Variants in TBXAS1 observed in about 807,000 individuals in gnomAD.
TBXAS1 encodes the protein thromboxane A synthase 1.
A neutral mutation model predicts 60.7 loss-of-function variants in TBXAS1; 48 were observed. The observed-to-expected ratio is 0.79, with a 90% CI of 0.63 to 1.01. TBXAS1 has a LOEUF of 1.01. Among genes scored for constraint, TBXAS1 ranks in the 50% least tolerant of loss-of-function variants. The pLI is 0.00. For synonymous variants in TBXAS1, 287 were observed against 269.7 expected, an observed-to-expected ratio of 1.06 and a Z score of -0.63; for missense variants, 685 against 686.3, an observed-to-expected ratio of 1.00 and a Z score of 0.02.
chr7:139,779,132 C>T (rs1585481224), intron 1 of TBXAS1, among the ~76,000 whole-genome samples: 1 of 152,146 alleles, frequency 6.6e-6, no homozygotes, highest in Admixed American at 6.5e-5. Flanking sequence ...GTCTGTGAAT[C>T]GTGGGTTTAA....
At chr7:139,843,306 C>T (rs1237987232) in intron 1 of TBXAS1, among the ~76,000 whole-genome samples, 1 of 150,260 alleles carries the variant, frequency 6.7e-6, no homozygotes, top group African/African-American at 2.5e-5. Flanking sequence ...GCTATCTCGG[C>T]ACTTACTACT....
At chr7:139,882,121 G>A (rs578108532) in intron 3 of TBXAS1, among the ~76,000 whole-genome samples, 3 of 152,178 alleles carry the variant, frequency 2.0e-5, no homozygotes, top group South Asian at 2.1e-4. Flanking sequence ...TTTAGATGGG[G>A]TTGAAGAACA....
At chr7:139,790,762 G>A (rs772003590) in intron 4 of TBXAS1, among the ~76,000 whole-genome samples, 13 of 152,200 alleles carry the variant, frequency 8.5e-5, no homozygotes, top group Non-Finnish European at 1.6e-4. Flanking sequence ...AGGGGAATGT[G>A]TAATAAGTGA....
intron 3 of TBXAS1, among the ~76,000 whole-genome samples, chr7:139,902,802 A>C (rs746040027): frequency 3.9e-5 from 6 of 152,100 alleles, no homozygotes; most frequent in Non-Finnish European, 8.8e-5. Flanking sequence ...AGCCTTTCTG[A>C]TAGATGTGAA....
intron 9 of TBXAS1, among the ~76,000 whole-genome samples, chr7:139,997,196 T>C (rs1264084229): frequency 6.6e-6 from 1 of 152,080 alleles, no homozygotes; most frequent in Non-Finnish European, 1.5e-5. Flanking sequence ...CCACACACTC[T>C]GCTAATCGGA....
At position 139,919,034 on chromosome 7, in the gene TBXAS1, C is replaced by T. The variant is rs185449846; in HGVS notation, c.333+7713C>T. Among the ~76,000 whole-genome samples, 215 of 152,190 alleles carry T rather than the reference C, an allele frequency of 1.4e-3. 1 individual carries two copies. The highest frequency in any genetic ancestry group is 2.9e-3 in the Admixed American group (44 of 15,298). ...AAAGGGACACCTTTACTATTTCAAA[C>T]CACCAAAATATAAGCCCTATTTGGT... On this transcript the variant is annotated intron_variant, in intron 4 of 12. Transcript: ENST00000448866.
chr7:139,982,430 CAA>C (rs1293425377), intron 9 of TBXAS1, among the ~76,000 whole-genome samples: 3 of 152,142 alleles, frequency 2.0e-5, no homozygotes, highest in Non-Finnish European at 4.4e-5. Flanking sequence ...AGAGATCAGA[CAA>C]GAGAGGTGCC....
chr7:139,950,739 C>T (rs1388381493), intron 5 of TBXAS1, among the ~76,000 whole-genome samples: 13 of 124,034 alleles, frequency 1.0e-4, no homozygotes, highest in South Asian at 9.1e-4. Context: ...CCCCCTCGCC[C>T]TCCATCTACG....
Position 139,902,041 on chromosome 7 carries a change from C to T in TBXAS1, c.237-9184C>T, listed in dbSNP as rs113558918. 9.9e-3 allele frequency among the ~76,000 whole-genome samples: 1,484 copies of T among 149,148 alleles called. 22 individuals carry two copies. The highest frequency in any genetic ancestry group is 0.028 in the South Asian group (130 of 4,584). ...AGCTTCCCCCAATGGTAACCTCTTG[C>T]GTGACTATAGTACGTTATCAAAACC... On this transcript the variant is annotated intron_variant, in intron 3 of 12. Transcript: ENST00000448866.
At chr7:139,882,017 T>C (rs1232353336) in intron 3 of TBXAS1, among the ~76,000 whole-genome samples, 6 of 152,220 alleles carry the variant, frequency 3.9e-5, no homozygotes, top group Non-Finnish European at 7.3e-5. Context: ...TCAGCTTCCA[T>C]GGTGCCATCC....
At chr7:139,982,291 C>G (rs963540787) in intron 9 of TBXAS1, among the ~76,000 whole-genome samples, 1 of 152,182 alleles carries the variant, frequency 6.6e-6, no homozygotes, top group African/African-American at 2.4e-5. Context: ...AGTTTAACCT[C>G]TCTCTACTGG....
intron 10 of TBXAS1, among the ~76,000 whole-genome samples, chr7:140,011,288 A>G (rs865843372): frequency 0.032 from 4,613 of 145,016 alleles, 83 homozygotes; most frequent in African/African-American, 0.033. Context: ...AAAAAAACAA[A>G]CAAACAAACA....
chr7:139,890,777 T>C (rs1313014342), intron 3 of TBXAS1, among the ~76,000 whole-genome samples: 2 of 152,216 alleles, frequency 1.3e-5, no homozygotes, highest in Non-Finnish European at 2.9e-5. Context: ...TGCAGTGCTA[T>C]GGAGAGGCTG....
intron 3 of TBXAS1, among the ~76,000 whole-genome samples, chr7:139,784,011 G>GTTTTTTTTTTTTTTTTTTT (rs11340240): frequency 7.6e-6 from 1 of 132,068 alleles, no homozygotes; most frequent in African/African-American, 2.7e-5. Flanking sequence ...AGTTTTTTTT[G>GTTTTTTTTTTTTTTTTTTT]TTTTTTTTTT....
chr7:139,939,806 A>T (rs1808133472), intron 5 of TBXAS1, among the ~76,000 whole-genome samples: 2 of 152,210 alleles, frequency 1.3e-5, no homozygotes, highest in African/African-American at 4.8e-5. Context: ...TGAAATGGAA[A>T]CCAGCAGAAT....
chr7:139,939,279 G>A (rs1012975432), intron 5 of TBXAS1, among the ~76,000 whole-genome samples: 3 of 146,294 alleles, frequency 2.1e-5, no homozygotes, highest in Non-Finnish European at 4.4e-5. Context: ...CAGGAGAATC[G>A]CTTGAATCCA....
At chr7:139,845,953 TAGCTGGGACTACA>T (rs1799774240) in intron 1 of TBXAS1, among the ~76,000 whole-genome samples, 1 of 151,434 alleles carries the variant, frequency 6.6e-6, no homozygotes, top group African/African-American at 2.4e-5. Flanking sequence ...GCCCCATGAG[TAGCTGGGACTACA>T]AGCGAGCACT....
At chr7:139,906,300 C>T (rs1805075923) in intron 3 of TBXAS1, 2 of 157,558 alleles carry the variant, frequency 1.3e-5, no homozygotes, top group African/African-American at 4.8e-5. Context: ...AAGTTATCCA[C>T]CTGCCTCGGC....
chr7:139,944,390 G>A (rs1439342728), intron 5 of TBXAS1, among the ~76,000 whole-genome samples: 1 of 152,222 alleles, frequency 6.6e-6, no homozygotes, highest in Non-Finnish European at 1.5e-5. Context: ...GAAAAAGTAG[G>A]TTGAGGCACG....
Sources: allele counts gnomAD v4.1 joint callset (sites outside exome capture counted in the v4.1 genomes callset), GRCh38; gene constraint gnomAD v4.1.1; transcripts MANE v1.5; gene names NCBI Gene and HGNC (gene_info 2026-07-23, HGNC 2026-07-21).